Variants in CFAP77 observed in about 807,000 individuals in gnomAD.
CFAP77 encodes the protein cilia and flagella associated protein 77, also known as cilia- and flagella-associated protein 77.
Under a neutral mutation model 31.1 loss-of-function variants are expected in CFAP77, and 25 were observed. The ratio of observed to expected loss-of-function variants is 0.80; its 90% confidence interval spans 0.59 to 1.12. The LOEUF (loss-of-function observed/expected upper bound fraction) is 1.12, where lower values mean the gene tolerates loss of function less well. CFAP77 is among the 50% of genes most tolerant of loss of function. The pLI is 0.00. For missense variants in CFAP77, 377 were observed against 397.3 expected (o/e 0.95, Z 0.44); for synonymous variants, 151 against 159.9 (o/e 0.94, Z 0.42).
At chr9:132,486,073 TATATATATATATATATA>T (rs1851547869) in intron 1 of CFAP77, among the ~76,000 whole-genome samples, 1 of 17,012 alleles carries the variant, frequency 5.9e-5, no homozygotes, top group South Asian at 2.5e-3. Context: ...TGTGTATATA[TATATATATATATATATA>T]TTTTTTTTTT....
chr9:132,569,480 T>C (rs1407986998), intron 5 of CFAP77, among the ~76,000 whole-genome samples: 1 of 152,192 alleles, frequency 6.6e-6, no homozygotes, highest in Non-Finnish European at 1.5e-5. Context: ...TGTTTTCACA[T>C]ACTAAACATT....
chr9:132,523,535 T>C (rs569915339), intron 3 of CFAP77, among the ~76,000 whole-genome samples: 7 of 152,372 alleles, frequency 4.6e-5, no homozygotes, highest in African/African-American at 1.7e-4. Flanking sequence ...TTTTGGCAGC[T>C]GCATAATATT....
In CFAP77 at chr9:132,486,893, G is replaced by A. The variant is rs115294065; in HGVS notation, c.196-11802G>A. 7.3e-3 allele frequency among the ~76,000 whole-genome samples: 1,115 copies of A among 152,376 alleles called. 8 individuals are homozygous for A. Among genetic ancestry groups the A allele is most frequent in the African/African-American group, 0.025 (1,057 of 41,582 alleles). On this transcript the variant is annotated intron_variant, in intron 1 of 5. Coordinates refer to ENST00000393216, the MANE Select transcript of CFAP77 (RefSeq NM_001282957.2). Reference sequence around the variant, plus strand: ...CCCTGTCACCGTGACCGCCTCACACGGCAAGGGCCATACATCAGCCGCCAG... The same window carrying A: ...CCCTGTCACCGTGACCGCCTCACACAGCAAGGGCCATACATCAGCCGCCAG...
chr9:132,426,144 T>A lies in CFAP77; in HGVS notation c.195+15678T>A, dbSNP rs900852640. Among the ~76,000 whole-genome samples the A allele has an allele frequency of 4.3e-4, 65 of 152,260 alleles. 1 individual carries two copies. The highest frequency in any genetic ancestry group is 1.6e-3 in the African/African-American group (65 of 41,476). On this transcript the variant is annotated intron_variant, in intron 1 of 5. Transcript: ENST00000393216. ...TCTCCCTTTGCTATCTTGTCAGAGC[T>A]GTTTTACATGCTGCCACCCAATGTT... is the stretch of plus-strand genomic sequence containing the variant.
chr9:132,451,960 A>G (rs905752396), intron 1 of CFAP77, among the ~76,000 whole-genome samples: 1 of 151,642 alleles, frequency 6.6e-6, no homozygotes, highest in Non-Finnish European at 1.5e-5. Context: ...GTGTGCCACT[A>G]TGCCCGACTA....
chr9:132,469,742 G>A (rs997611640), intron 1 of CFAP77, among the ~76,000 whole-genome samples: 4 of 152,058 alleles, frequency 2.6e-5, no homozygotes, highest in Admixed American at 6.5e-5. Context: ...GCTCCACCCC[G>A]GCGGTGACAT....
chr9:132,506,809 C>G (rs548575432), intron 3 of CFAP77, among the ~76,000 whole-genome samples: 1 of 152,036 alleles, frequency 6.6e-6, no homozygotes, highest in Non-Finnish European at 1.5e-5. Context: ...TGCTTCTATC[C>G]CCGTTTTACA....
chr9:132,459,613 G>A (rs1851004387), intron 1 of CFAP77, among the ~76,000 whole-genome samples: 1 of 151,590 alleles, frequency 6.6e-6, no homozygotes, highest in African/African-American at 2.4e-5. Context: ...GTATATGTGT[G>A]TGTATGTATA....
At chr9:132,559,453 G>A (rs79969464) in intron 5 of CFAP77, among the ~76,000 whole-genome samples, 55 of 151,408 alleles carry the variant, frequency 3.6e-4, no homozygotes, top group African/African-American at 6.3e-4. Flanking sequence ...GAGCCATCAC[G>A]GAAACACAAA....
chr9:132,547,126 A>G (rs1852745511), intron 5 of CFAP77, among the ~76,000 whole-genome samples: 2 of 152,292 alleles, frequency 1.3e-5, no homozygotes, highest in South Asian at 4.1e-4. Context: ...TGTGGGGGAT[A>G]GAGACGCTCC....
At chr9:132,521,778 T>TTTTTTTTTTTG (rs533275755) in intron 3 of CFAP77, among the ~76,000 whole-genome samples, 1,851 of 106,070 alleles carry the variant, frequency 0.017, 72 homozygotes, top group African/African-American at 0.034. Flanking sequence ...TTTTTTTTTT[T>TTTTTTTTTTTG]TTTTTTGAGA....
chr9:132,496,538 TTC>T (rs1160357067), intron 1 of CFAP77, among the ~76,000 whole-genome samples: 7 of 152,336 alleles, frequency 4.6e-5, no homozygotes, highest in African/African-American at 1.7e-4. Flanking sequence ...CGAAGCTACT[TTC>T]TGTCTCTGGA....
At chr9:132,418,486 G>A (rs1850148118) in intron 1 of CFAP77, among the ~76,000 whole-genome samples, 1 of 152,228 alleles carries the variant, frequency 6.6e-6, no homozygotes, top group Non-Finnish European at 1.5e-5. Context: ...CTCTAGAAAT[G>A]AGCCGGTTTG....
Position 132,531,632 on chromosome 9 carries a change from G to A in CFAP77, c.525-5969G>A, listed in dbSNP as rs374301111. Among the ~76,000 whole-genome samples, 8 of 147,206 alleles carry A rather than the reference G, an allele frequency of 5.4e-5. 1 individual carries two copies. Among genetic ancestry groups the A allele is most frequent in the Admixed American group, 1.3e-4 (2 of 14,818 alleles). On this transcript the variant is annotated intron_variant, in intron 3 of 5. Coordinates refer to ENST00000393216, the MANE Select transcript of CFAP77 (RefSeq NM_001282957.2). ...TGGGCTTAGGCTAAGACATGGGGGGGGGGGCATGGAAGGCATTTTAAGCAA... is the reference window on the plus strand; with the variant it reads ...TGGGCTTAGGCTAAGACATGGGGGGAGGGGCATGGAAGGCATTTTAAGCAA...
intron 3 of CFAP77, among the ~76,000 whole-genome samples, chr9:132,520,565 A>G (rs1213836158): frequency 1.3e-5 from 2 of 152,176 alleles, no homozygotes; most frequent in Non-Finnish European, 2.9e-5. Flanking sequence ...GGATTGCTTG[A>G]GTCTGGGAGA....
At chr9:132,426,645 A>G (rs966829908) in intron 1 of CFAP77, among the ~76,000 whole-genome samples, 7 of 152,316 alleles carry the variant, frequency 4.6e-5, no homozygotes, top group Non-Finnish European at 8.8e-5. Flanking sequence ...TAAAGCAGCA[A>G]CGGAACCTGA....
chr9:132,438,541 A>ATTTTTTTTTT (rs10641294), intron 1 of CFAP77, among the ~76,000 whole-genome samples: 2 of 108,154 alleles, frequency 1.8e-5, no homozygotes, highest in African/African-American at 4.1e-5. Context: ...ATATATATAT[A>ATTTTTTTTTT]TTTTTTTTTT....
chr9:132,498,858 G>A lies in CFAP77; in HGVS notation c.295+64G>A. 2.6e-6 allele frequency: 3 copies of A among 1,164,514 alleles called. 1 individual carries two copies. The South Asian group carries it at 4.0e-5, about 16-fold the overall frequency. The allele number at this position is 1,164,514 out of a possible 1,614,324, so 72.1% of individuals were successfully genotyped here. On this transcript the variant is annotated intron_variant, in intron 2 of 5. Coordinates refer to ENST00000393216, the MANE Select transcript of CFAP77 (RefSeq NM_001282957.2). The surrounding 1 kb of genome is among the most constrained non-coding windows in gnomAD (Gnocchi z 4.2). ...GGAGGGAGGCTCACCCCTCTTCACA[G>A]ACCCCTTGACCTAGCTCGCTGCTTG...
At chr9:132,458,357 G>GGGGGGGGGGTGGGGTGGGGT (rs139008147) in intron 1 of CFAP77, among the ~76,000 whole-genome samples, 1 of 119,046 alleles carries the variant, frequency 8.4e-6, no homozygotes, top group Admixed American at 9.8e-5. Context: ...GAGGGGGGGG[G>GGGGGGGGGGTGGGGTGGGGT]GTGTGTATGG....
Sources: allele counts gnomAD v4.1 joint callset (sites outside exome capture counted in the v4.1 genomes callset), GRCh38; gene constraint gnomAD v4.1.1; non-coding constraint Gnocchi (gnomAD v3.1); transcripts MANE v1.5; gene names NCBI Gene and HGNC (gene_info 2026-07-23, HGNC 2026-07-21).